The following OR52N4 variants were observed in gnomAD, a reference collection of about 807,000 sequenced individuals.
OR52N4 encodes the protein olfactory receptor family 52 subfamily N member 4.
A neutral mutation model predicts 15.0 loss-of-function variants in OR52N4; 15 were observed. That is an observed-to-expected ratio of 1.00 (90% CI 0.67 to 1.54). OR52N4 has a LOEUF of 1.54. Among genes scored for constraint, OR52N4 ranks in the 40% most tolerant of loss-of-function variants. The pLI, the probability that OR52N4 is intolerant of heterozygous loss-of-function variation, is 0.00. For synonymous variants in OR52N4, 143 were observed against 143.7 expected (o/e 1.00, Z 0.03); for missense variants, 421 against 394.0 (o/e 1.07, Z -0.58).
At chr11:5,729,029 T>C in the OR52N4 span, among the ~76,000 whole-genome samples, 2 of 150,710 alleles carry the variant, frequency 1.3e-5, no homozygotes, top group Non-Finnish European at 3.0e-5. Context: ...CCTAATGCCA[T>C]CCCTCCCCTC....
rs763125133 is a variant in OR52N4 at position 5,755,121 on chromosome 11, C to A, written c.381C>A (p.Ala127=). Residue 127 remains alanine, a synonymous_variant, in exon 2 of 2, where the codon GCC becomes GCA. Coordinates refer to ENST00000641350, the MANE Select transcript of OR52N4 (RefSeq NM_001005175.5). ...TTATGGCCCTGGATCGCTATGTGGC[C>A]ATCTGCTACCCCTTACGCTATTCAA... The part of the protein sequence containing the change: ...LMLMALDRYV[A]ICYPLRYSTI... The A allele has an allele frequency of 1.2e-6, 2 of 1,614,010 alleles. No homozygotes were observed. The highest frequency in any genetic ancestry group is 4.5e-5 in the East Asian group (2 of 44,868).
At chr11:5,740,676 G>A in the OR52N4 span, among the ~76,000 whole-genome samples, 8 of 125,422 alleles carry the variant, frequency 6.4e-5, no homozygotes, top group Non-Finnish European at 1.4e-4. Flanking sequence ...GTGTGGTGGC[G>A]CGTGCCTATA....
At chr11:5,729,114 A>ATATTTT in the OR52N4 span, among the ~76,000 whole-genome samples, 4 of 82,914 alleles carry the variant, frequency 4.8e-5, 1 homozygote, top group African/African-American at 1.9e-4. Context: ...TTAAATTGAG[A>ATATTTT]TTTTTTTTTT....
At chr11:5,731,634 C>G in the OR52N4 span, among the ~76,000 whole-genome samples, 1 of 152,136 alleles carries the variant, frequency 6.6e-6, no homozygotes, top group Non-Finnish European at 1.5e-5. Flanking sequence ...CCTACATAGG[C>G]AAACATTTAA....
chr11:5,748,296 T>A, the OR52N4 span, among the ~76,000 whole-genome samples: 1 of 151,966 alleles, frequency 6.6e-6, no homozygotes, highest in Non-Finnish European at 1.5e-5. Flanking sequence ...ATGAGTGCTT[T>A]TTAATTTCCT....
the OR52N4 span, chr11:5,736,602 TTCAC>T: frequency 6.2e-7 from 1 of 1,614,000 alleles, no homozygotes. Context: ...TTCCCGGGCA[TTCAC>T]AGCTGGCAAC....
the OR52N4 span, among the ~76,000 whole-genome samples, chr11:5,731,182 A>G: frequency 6.6e-6 from 1 of 152,168 alleles, no homozygotes; most frequent in African/African-American, 2.4e-5. Context: ...ATGGACTCAC[A>G]TATTTGGCAG....
At chr11:5,746,082 G>C in the OR52N4 span, among the ~76,000 whole-genome samples, 69 of 152,138 alleles carry the variant, frequency 4.5e-4, no homozygotes, top group Admixed American at 1.4e-3. Context: ...AAATGGTGCT[G>C]AACAATTGGA....
At chr11:5,727,738 A>G in the OR52N4 span, among the ~76,000 whole-genome samples, 1 of 152,172 alleles carries the variant, frequency 6.6e-6, no homozygotes, top group Non-Finnish European at 1.5e-5. Flanking sequence ...GCTGCAGTTT[A>G]GAAGAGTCCC....
the OR52N4 span, among the ~76,000 whole-genome samples, chr11:5,734,935 T>C: frequency 6.6e-6 from 1 of 152,066 alleles, no homozygotes; most frequent in African/African-American, 2.4e-5. Flanking sequence ...GAAGGATGAT[T>C]TACTCCATCA....
chr11:5,745,348 A>G, the OR52N4 span, among the ~76,000 whole-genome samples: 1 of 152,208 alleles, frequency 6.6e-6, no homozygotes, highest in Non-Finnish European at 1.5e-5. Flanking sequence ...CATCGGTAGC[A>G]TTTCAGGATA....
At chr11:5,754,360 T>C (rs1854253004) in intron 1 of OR52N4, 55 bp downstream of exon 1, 1 of 184,072 alleles carries the variant, frequency 5.4e-6, no homozygotes, top group Non-Finnish European at 1.1e-5. Context: ...AGTATAGTTA[T>C]AGTTAAGTAA....
chr11:5,748,026 A>G, the OR52N4 span, among the ~76,000 whole-genome samples: 2 of 151,238 alleles, frequency 1.3e-5, no homozygotes, highest in Admixed American at 6.7e-5. Flanking sequence ...TTCATTTATC[A>G]TATTTTTCTT....
the OR52N4 span, among the ~76,000 whole-genome samples, chr11:5,730,559 T>A: frequency 1.3e-5 from 2 of 152,002 alleles, no homozygotes; most frequent in East Asian, 3.9e-4. Flanking sequence ...CCAAAATCTA[T>A]CCACTGTGAT....
chr11:5,745,173 C>G, the OR52N4 span, among the ~76,000 whole-genome samples: 1 of 152,116 alleles, frequency 6.6e-6, no homozygotes, highest in Non-Finnish European at 1.5e-5. Context: ...TCCTATTCAA[C>G]ATGATATTGG....
At chr11:5,748,551 C>A in the OR52N4 span, among the ~76,000 whole-genome samples, 1 of 151,616 alleles carries the variant, frequency 6.6e-6, no homozygotes, top group African/African-American at 2.4e-5. Flanking sequence ...ATTTCTCTCA[C>A]TTGAAAAAGT....
chr11:5,731,526 C>T, the OR52N4 span, among the ~76,000 whole-genome samples: 1 of 152,192 alleles, frequency 6.6e-6, no homozygotes, highest in African/African-American at 2.4e-5. Flanking sequence ...CTGCAGCTTC[C>T]TTCCTGTTCT....
the OR52N4 span, chr11:5,737,265 G>T: frequency 1.2e-6 from 2 of 1,614,008 alleles, no homozygotes; most frequent in African/African-American, 2.7e-5. Context: ...CTGAGCACTT[G>T]TAGTTCACAT....
In OR52N4 at chr11:5,755,462, A is replaced by G. The variant is rs1466858324; in HGVS notation, c.722A>G (p.Asn241Ser). The change falls in exon 2 of 2, where the codon AAT becomes AGT. Residue 241 changes from asparagine (N) to serine (S), a missense_variant. Transcript: ENST00000641350. ...SSADARQKAFNTCTAHICAIV... is the reference protein window; with the variant it reads ...SSADARQKAFSTCTAHICAIV... ...GCAGATGCTCGGCAGAAGGCCTTTA[A>G]TACCTGCACTGCCCACATTTGTGCC... 10 of 1,613,974 alleles carry G rather than the reference A, an allele frequency of 6.2e-6. No homozygotes were observed. The highest frequency in any genetic ancestry group is 8.5e-6 in the Non-Finnish European group (10 of 1,179,898).
Sources: allele counts gnomAD v4.1 joint callset (sites outside exome capture counted in the v4.1 genomes callset), GRCh38; gene constraint gnomAD v4.1.1; transcripts MANE v1.5; gene names NCBI Gene and HGNC (gene_info 2026-07-23, HGNC 2026-07-21).